Variants in TLE2 observed in about 807,000 individuals in gnomAD.
TLE2 encodes the protein transducin-like enhancer protein 2.
A neutral mutation model predicts 97.2 loss-of-function variants in TLE2; 74 were observed. That is an observed-to-expected ratio of 0.76 (90% CI 0.63 to 0.92). The LOEUF is 0.92. TLE2 is among the 40% of genes least tolerant of loss of function. The pLI, the probability that TLE2 is intolerant of heterozygous loss-of-function variation, is 0.00. For synonymous variants in TLE2, 499 were observed against 432.1 expected (o/e 1.15, Z -1.92); for missense variants, 1,038 against 1,008.7 (o/e 1.03, Z -0.39).
chr19:3,017,087 G>T (rs993768641), intron 8 of TLE2, among the ~76,000 whole-genome samples: 3 of 125,748 alleles, frequency 2.4e-5, no homozygotes, highest in African/African-American at 1.2e-4. Context: ...CTCCCACACA[G>T]AAAGGCTTCA....
chr19:3,034,951 G>T (rs1355478387), intron 1 of TLE2, among the ~76,000 whole-genome samples: 2 of 152,166 alleles, frequency 1.3e-5, no homozygotes, highest in African/African-American at 2.4e-5. Flanking sequence ...AGGAACAGGG[G>T]CATTGCCCGG....
upstream of TLE2, chr19:3,045,813 G>A (rs2090137453): frequency 2.6e-6 from 1 of 392,066 alleles, no homozygotes; most frequent in South Asian, 1.8e-5. Flanking sequence ...GGCAACAAGA[G>A]TGAAACTCTG....
Position 3,029,020 on chromosome 19 carries a change from G to A in TLE2, c.-116C>T. On this transcript the variant is annotated 5_prime_UTR_variant, in exon 1 of 20. Transcript: ENST00000262953. ...AGGCTGCCCGAAGAAAGAGGGAGGA[G>A]GGAGAAGCGGCGCGGGGCAAGGGAC... 1.3e-6 allele frequency: 2 copies of A among 1,508,586 alleles called. No individual in the cohort carries two copies. The highest frequency in any genetic ancestry group is 1.8e-6 in the Non-Finnish European group (2 of 1,130,234). 93.5% of individuals were successfully genotyped at this position (1,508,586 alleles called of 1,614,324 possible).
At chr19:3,021,929 G>A (rs2089852629) in intron 5 of TLE2, among the ~76,000 whole-genome samples, 1 of 152,132 alleles carries the variant, frequency 6.6e-6, no homozygotes, top group Non-Finnish European at 1.5e-5. Flanking sequence ...TTTCAGGTCG[G>A]GCGCAGTGGC....
chr19:3,031,345 TG>T (rs2090023488), upstream of TLE2, among the ~76,000 whole-genome samples: 2 of 15,312 alleles, frequency 1.3e-4, no homozygotes, highest in Non-Finnish European at 4.2e-4. Context: ...GATACAATTG[TG>T]TGTGTGTGTG....
chr19:3,013,929 C>T, intron 10 of TLE2, 111 bp from the exon 11 acceptor site: 1 of 1,070,434 alleles, frequency 9.3e-7, no homozygotes, highest in South Asian at 3.6e-5. Flanking sequence ...GTACCCATGA[C>T]CCACCATGGG....
At chr19:3,001,821 G>C (rs1485913318) in intron 18 of TLE2, among the ~76,000 whole-genome samples, 1 of 111,022 alleles carries the variant, frequency 9.0e-6, no homozygotes, top group Non-Finnish European at 1.7e-5. Context: ...TTTTAAGATA[G>C]AATCTCACTC....
At chr19:3,046,923 C>CCCTCCTCTGCCTCCCCCT (rs2090145890), upstream of TLE2, among the ~76,000 whole-genome samples, 1 of 124,972 alleles carries the variant, frequency 8.0e-6, no homozygotes, top group African/African-American at 3.0e-5. Context: ...CTCCTCCTCC[C>CCCTCCTCTGCCTCCCCCT]CCTCCTCTGC....
upstream of TLE2, among the ~76,000 whole-genome samples, chr19:3,032,941 G>GT (rs10664438): frequency 0.037 from 5,431 of 146,124 alleles, 269 homozygotes; most frequent in African/African-American, 0.098. This position sits in a 1 kb window ranked among gnomAD's most constrained non-coding sequence, Gnocchi z 4.1. Context: ...CTTGTTGGTT[G>GT]TTTTTTTTTT....
At chr19:3,011,662 G>A (rs12979422) in intron 11 of TLE2, among the ~76,000 whole-genome samples, 32,517 of 150,724 alleles carry the variant, frequency 0.22, 3,615 homozygotes, top group Admixed American at 0.25. Context: ...CCAGCCTGGC[G>A]AACATGGTGA....
Position 2,997,768 on chromosome 19 carries a change from A to T in TLE2, c.*80T>A, listed in dbSNP as rs1599183523. 9.9e-7 allele frequency: 1 copy of T among 1,005,804 alleles called. No individual in the cohort carries two copies. Among genetic ancestry groups the T allele is most frequent in the Non-Finnish European group, 1.5e-6 (1 of 652,374 alleles). The allele number at this position is 1,005,804 out of a possible 1,614,324, so 62.3% of individuals were successfully genotyped here. On this transcript the variant is annotated 3_prime_UTR_variant, in exon 20 of 20. Transcript: ENST00000262953. The stretch of plus-strand genomic sequence containing the variant: ...TGTACGGTTCCTAGGCAGGGCTGGG[A>T]GGCGGCTGCTAGGATGTCTGTCCTG...
At chr19:3,027,807 CG>C in intron 4 of TLE2, 21 bp downstream of exon 4, 1 of 1,608,836 alleles carries the variant, frequency 6.2e-7, no homozygotes, top group Non-Finnish European at 8.5e-7. Context: ...CTCCTGAACA[CG>C]CGTAACCCCA....
intron 13 of TLE2, among the ~76,000 whole-genome samples, chr19:3,009,328 G>A (rs1011634963): frequency 1.3e-5 from 2 of 152,142 alleles, no homozygotes; most frequent in Non-Finnish European, 2.9e-5. Context: ...CAGCTTAATC[G>A]CTGTTGCGTT....
chr19:3,045,320 G>A (rs1488228683), intron 1 of TLE2, among the ~76,000 whole-genome samples: 1 of 152,208 alleles, frequency 6.6e-6, no homozygotes, highest in African/African-American at 2.4e-5. Context: ...GGGACCATGC[G>A]TGAACACCTT....
At chr19:2,999,454 G>A (rs561770773) in intron 19 of TLE2, among the ~76,000 whole-genome samples, 1 of 152,266 alleles carries the variant, frequency 6.6e-6, no homozygotes, top group African/African-American at 2.4e-5. Flanking sequence ...CAGGCTGGGT[G>A]TGGTGGCTCA....
intron 1 of TLE2, among the ~76,000 whole-genome samples, chr19:3,036,968 CTAGATGTTGGGTGGTAGTATTTAA>C (rs1333778559): frequency 6.6e-6 from 1 of 152,120 alleles, no homozygotes; most frequent in East Asian, 1.9e-4. Flanking sequence ...GGATAGCTTT[CTAGATGTTGGGTGGTAGTATTTAA>C]TAGATGTTGG....
chr19:3,031,342 T>TTTTG (rs1330861040), upstream of TLE2, among the ~76,000 whole-genome samples: 1 of 139,900 alleles, frequency 7.1e-6, no homozygotes, highest in Non-Finnish European at 1.5e-5. Flanking sequence ...AAAGATACAA[T>TTTTG]TGTGTGTGTG....
intron 3 of TLE2, 62 bp downstream of exon 3, chr19:3,028,257 T>C (rs1276596415): frequency 6.6e-7 from 1 of 1,522,408 alleles, no homozygotes; most frequent in Non-Finnish European, 9.0e-7. Context: ...TACCCCAGAG[T>C]CCACCGTGAC....
intron 13 of TLE2, 80 bp downstream of exon 13, chr19:3,009,462 C>A: frequency 6.8e-7 from 1 of 1,462,246 alleles, no homozygotes; most frequent in Non-Finnish European, 9.0e-7. Context: ...CTTGTCTCTC[C>A]TTGTGTAGTT....
Sources: allele counts gnomAD v4.1 joint callset (sites outside exome capture counted in the v4.1 genomes callset), GRCh38; gene constraint gnomAD v4.1.1; non-coding constraint Gnocchi (gnomAD v3.1); transcripts MANE v1.5; gene names NCBI Gene and HGNC (gene_info 2026-07-23, HGNC 2026-07-21).